The following VWA5B1 variants were observed in gnomAD, a reference collection of about 807,000 sequenced individuals.
VWA5B1 encodes von Willebrand factor A domain containing 5B1.
VWA5B1 carries 115 observed loss-of-function variants against 118.2 expected under a neutral mutation model. That is an observed-to-expected ratio of 0.97 (90% CI 0.84 to 1.14). The LOEUF (loss-of-function observed/expected upper bound fraction) is 1.14. VWA5B1 is among the 50% of genes most tolerant of loss of function. VWA5B1 has a pLI of 0.00. For missense variants in VWA5B1, 1,596 were observed against 1,603.8 expected, an observed-to-expected ratio of 1.00 and a Z score of 0.08; for synonymous variants, 682 against 658.4, an observed-to-expected ratio of 1.04 and a Z score of -0.55.
At chr1:20,351,298 C>T (rs556745071) in intron 20 of VWA5B1, among the ~76,000 whole-genome samples, 5 of 152,122 alleles carry the variant, frequency 3.3e-5, no homozygotes, top group Non-Finnish European at 7.4e-5. Flanking sequence ...GCAGGAGGAT[C>T]ACTTGAGGCC....
intron 7 of VWA5B1, 130 bp from the exon 8 acceptor site, chr1:20,323,226 C>T (rs2089275451): frequency 3.5e-6 from 3 of 857,736 alleles, no homozygotes; most frequent in East Asian, 3.3e-5. Flanking sequence ...TGAGCACAGT[C>T]AGCCCGGAAG....
At chr1:20,343,427 C>T in intron 16 of VWA5B1, 34 bp downstream of exon 16, 1 of 1,477,768 alleles carries the variant, frequency 6.8e-7, no homozygotes, top group South Asian at 1.3e-5. Context: ...CTCCCGCGGA[C>T]GGCCTCCGGA....
rs1418503747 is a variant in VWA5B1, at chr1:20,312,959, C to T, written c.263C>T (p.Ala88Val). 5 of 1,551,512 alleles carry T rather than the reference C, an allele frequency of 3.2e-6. No homozygotes were observed. Among genetic ancestry groups the T allele is most frequent in the Non-Finnish European group, 8.7e-7 (1 of 1,146,988 alleles). ...KAKLESGHFD[A>V]SHVRSPTVTG... ...AAGCTGGAGAGCGGCCACTTCGATG[C>T]CTCCCATGTTCGATCCCCAACAGTC... The change falls in exon 3 of 22, where the codon GCC (alanine) becomes GTC (valine). Residue 88 changes from alanine to valine, a missense_variant. By Grantham distance (64) the Ala-to-Val change is moderately conservative. Transcript: ENST00000289815.
chr1:20,355,837 G>A lies in VWA5B1; in HGVS notation c.*1574G>A, dbSNP rs230178. Among the ~76,000 whole-genome samples, 83,802 of 138,946 alleles carry A rather than the reference G, an allele frequency of 0.6. 24,444 individuals carry two copies. Among genetic ancestry groups the A allele is most frequent in the East Asian group, 0.92 (4,504 of 4,906 alleles). 91.2% of individuals were successfully genotyped at this position (138,946 alleles called of 152,430 possible). ...CCTCCATCTATGCCACAAGTCTCCC[G>A]CGAGGGATTCTCACAGCCCTTTTGA... On this transcript the variant is annotated 3_prime_UTR_variant, in exon 22 of 22. Coordinates refer to ENST00000289815, the MANE Select transcript of VWA5B1 (RefSeq NM_001039500.3).
chr1:20,342,382 T>C, intron 14 of VWA5B1, 50 bp from the exon 15 acceptor site: 2 of 1,536,688 alleles, frequency 1.3e-6, no homozygotes, highest in Non-Finnish European at 1.8e-6. Flanking sequence ...CTCCTCCTCC[T>C]CCTCCTCCTC....
chr1:20,354,603 G>GTTTTTTCAAGCA lies in VWA5B1; in HGVS notation c.*340_*341insTTTTTTCAAGCA. The GTTTTTTCAAGCA allele has an allele frequency of 3.2e-6, 1 of 314,090 alleles. No individual in the cohort carries two copies. Among genetic ancestry groups the GTTTTTTCAAGCA allele is most frequent in the South Asian group, 3.7e-5 (1 of 27,152 alleles). 19.5% of individuals were successfully genotyped at this position (314,090 alleles called of 1,614,324 possible). A position where few individuals can be genotyped will look rare whatever the true frequency, so the allele number is the denominator to read the frequency against. ...GCTGACTGCTGCTGGGGCTGGCGAG[G>GTTTTTTCAAGCA]GAAGATGCAGTGGAAGCCTGAGCCC... On this transcript the variant is annotated 3_prime_UTR_variant, in exon 22 of 22. Coordinates refer to ENST00000289815, the MANE Select transcript of VWA5B1 (RefSeq NM_001039500.3).
At chr1:20,305,318 C>A (rs185180452) in intron 1 of VWA5B1, among the ~76,000 whole-genome samples, 2 of 151,990 alleles carry the variant, frequency 1.3e-5, no homozygotes, top group South Asian at 4.2e-4. Flanking sequence ...TGCTGACATG[C>A]GGGATCAAGG....
At position 20,345,594 on chromosome 1, in the gene VWA5B1, G is replaced by A. The variant is rs1054768258; in HGVS notation, c.2764+1G>A. On this transcript the variant is annotated splice_donor_variant, in intron 17 of 21. Coordinates refer to ENST00000289815, the MANE Select transcript of VWA5B1 (RefSeq NM_001039500.3). LOFTEE classifies it high-confidence loss of function. ...ACCGTGGTGGAGTACCCCAACTCTGGTAAGGCAGGCGAGCGGCCGGGGGCA... is the reference window on the plus strand; with the variant it reads ...ACCGTGGTGGAGTACCCCAACTCTGATAAGGCAGGCGAGCGGCCGGGGGCA... 6 of 1,544,690 alleles carry A rather than the reference G, an allele frequency of 3.9e-6. No individual in the cohort carries two copies. In the Admixed American group the frequency reaches 6.0e-5, roughly 15 times the overall value.
chr1:20,330,230 G>T lies in VWA5B1; in HGVS notation c.1305G>T (p.Met435Ile). 6.4e-7 allele frequency: 1 copy of T among 1,551,744 alleles called. No individual in the cohort carries two copies. The highest frequency in any genetic ancestry group is 8.7e-7 in the Non-Finnish European group (1 of 1,147,000). Residue 435 changes from methionine (M) to isoleucine (I), a missense_variant, in exon 10 of 22, where the codon ATG (methionine) becomes ATT (isoleucine). Met to Ile is a conservative substitution (Grantham distance 10). Coordinates refer to ENST00000289815, the MANE Select transcript of VWA5B1 (RefSeq NM_001039500.3). ...ACATCCAGAGAATGAAGGCCGACAT[G>T]GGTGGGACCAACATCCTTTCCCCTC... is the stretch of plus-strand genomic sequence containing the variant. ...CDDIQRMKADMGGTNILSPLK... is the reference protein window; with the variant it reads ...CDDIQRMKADIGGTNILSPLK...
Position 20,323,405 on chromosome 1 carries a change from T to A in VWA5B1, c.1016T>A (p.Val339Asp). 6 of 1,529,514 alleles carry A rather than the reference T, an allele frequency of 3.9e-6. No homozygotes were observed. Among genetic ancestry groups the A allele is most frequent in the South Asian group, 1.2e-5 (1 of 80,122 alleles). The allele number at this position is 1,529,514 out of a possible 1,614,324, so 94.7% of individuals were successfully genotyped here. ...CACAAAGACATTCCCCACCACTCCGTCATCATGCTCAACTTCTGTCCCGAC... is the reference window on the plus strand; with the variant it reads ...CACAAAGACATTCCCCACCACTCCGACATCATGCTCAACTTCTGTCCCGAC... Reference protein sequence around the residue: ...RLHKDIPHHSVIMLNFCPDLQ... With the variant: ...RLHKDIPHHSDIMLNFCPDLQ... The change falls in exon 8 of 22, where the codon GTC becomes GAC. Residue 339 changes from valine to aspartate, a missense_variant. Transcript: ENST00000289815.
rs529938635 is a variant in VWA5B1 at position 20,336,495 on chromosome 1, G to A, written c.1942+9G>A. 2.3e-4 allele frequency: 312 copies of A among 1,365,776 alleles called. No individual in the cohort carries two copies. The African/African-American group carries it at 4.4e-3, about 19-fold the overall frequency. 84.6% of individuals were successfully genotyped at this position (1,365,776 alleles called of 1,614,324 possible). On this transcript the variant is annotated intron_variant, in intron 13 of 21. Coordinates refer to ENST00000289815, the MANE Select transcript of VWA5B1 (RefSeq NM_001039500.3). ...CTCTACCACCAAGCACGGTTCGTCT[G>A]CGGCTCTGATGATTGCTGCCTTACA...
intron 8 of VWA5B1, among the ~76,000 whole-genome samples, chr1:20,325,548 T>C (rs908875550): frequency 6.6e-6 from 1 of 152,222 alleles, no homozygotes; most frequent in African/African-American, 2.4e-5. Flanking sequence ...AGGCAGTTAC[T>C]ACCAGTTAAA....
chr1:20,347,554 C>T (rs190378329), intron 17 of VWA5B1, among the ~76,000 whole-genome samples: 53 of 152,238 alleles, frequency 3.5e-4, no homozygotes, highest in Non-Finnish European at 4.4e-5. Context: ...ATCCTCTCAC[C>T]TCAGCCTTCC....
intron 17 of VWA5B1, among the ~76,000 whole-genome samples, chr1:20,347,491 G>A (rs1023770929): frequency 1.4e-4 from 21 of 151,818 alleles, no homozygotes; most frequent in Middle Eastern, 3.4e-3. Context: ...TCAGGTTAGA[G>A]TGCAGTGACA....
intron 1 of VWA5B1, chr1:20,303,222 C>T (rs1249459264): frequency 6.6e-6 from 1 of 152,182 alleles, no homozygotes; most frequent in Non-Finnish European, 1.5e-5. Flanking sequence ...GGTAAGAGGG[C>T]AGGTGGCAAG....
rs961166204 is a variant in VWA5B1 at position 20,309,729 on chromosome 1, G to A, written c.-26-847G>A. 3.5e-4 allele frequency among the ~76,000 whole-genome samples: 54 copies of A among 152,140 alleles called. 1 individual carries two copies. Among genetic ancestry groups the A allele is most frequent in the Non-Finnish European group, 1.2e-4 (8 of 68,024 alleles). On this transcript the variant is annotated intron_variant, in intron 1 of 21. Transcript: ENST00000289815. ...TTATGTGTCCAGAATGTTTGTTCTG[G>A]CCAGTGGGTGGAAGATGGATTCTTG...
chr1:20,293,295 A>AGTGGCTGG (rs111433319), intron 1 of VWA5B1, among the ~76,000 whole-genome samples: 1 of 151,452 alleles, frequency 6.6e-6, no homozygotes, highest in African/African-American at 2.4e-5. Flanking sequence ...ACCTTCACTG[A>AGTGGCTGG]CCTCTTGTTA....
At chr1:20,315,700 C>T (rs943142373) in intron 4 of VWA5B1, among the ~76,000 whole-genome samples, 5 of 152,134 alleles carry the variant, frequency 3.3e-5, no homozygotes, top group Admixed American at 2.0e-4. Context: ...CCATGTGTCA[C>T]GGCAGCAGCA....
intron 8 of VWA5B1, among the ~76,000 whole-genome samples, chr1:20,327,358 G>A (rs1161125013): frequency 6.6e-6 from 1 of 152,180 alleles, no homozygotes; most frequent in African/African-American, 2.4e-5. Flanking sequence ...TGACAAATAT[G>A]AGCTGAAGAG....
Sources: gnomAD v4.1 joint callset for allele counts (sites outside exome capture counted in the v4.1 genomes callset) on GRCh38, gnomAD v4.1.1 for gene constraint, MANE v1.5 for transcripts, NCBI Gene and HGNC (gene_info 2026-07-23, HGNC 2026-07-21) for gene names.